PARP2: variants seen among roughly 807,000 people sequenced by gnomAD.
PARP2 encodes the protein poly(ADP-ribose) polymerase 2, also known as poly [ADP-ribose] polymerase 2.
PARP2 carries 57 observed loss-of-function variants against 77.8 expected under a neutral mutation model. The ratio of observed to expected loss-of-function variants is 0.73; its 90% CI spans 0.59 to 0.91. The LOEUF (loss-of-function observed/expected upper bound fraction) is 0.91. Ranked by LOEUF, PARP2 falls within the 40% of genes least tolerant of loss-of-function variation. PARP2 has a pLI of 0.00. For synonymous variants in PARP2, 226 were observed against 242.6 expected, an observed-to-expected ratio of 0.93 and a Z score of 0.64; for missense variants, 651 against 689.0, an observed-to-expected ratio of 0.94 and a Z score of 0.62.
intron 4 of PARP2, 72 bp from the exon 5 acceptor site, chr14:20,350,454 G>T (rs1883913718): frequency 2.7e-6 from 2 of 731,296 alleles, no homozygotes; most frequent in East Asian, 5.0e-5. Flanking sequence ...TGTGACGAAG[G>T]ATGAGTCATT....
rs2138918151 is a variant in PARP2 at position 20,346,843 on chromosome 14, TTCTC to T, written c.274-13_274-10del. On this transcript the variant is annotated splice_polypyrimidine_tract_variant and intron_variant, in intron 3 of 15. Transcript: ENST00000429687. ...CTGAACCTATACTAATGTTGATTTTTTCTCTCTCTCCCTTTCTAGGCTCATGTGT... is the reference window on the plus strand; with the variant it reads ...CTGAACCTATACTAATGTTGATTTTTTCTCTCCCTTTCTAGGCTCATGTGT... 1 of 1,559,878 alleles carries T rather than the reference TTCTC, an allele frequency of 6.4e-7. No homozygotes were observed. Among genetic ancestry groups the T allele is most frequent in the Non-Finnish European group, 8.8e-7 (1 of 1,135,562 alleles).
chr14:20,344,708 G>A (rs1883642353), intron 1 of PARP2, among the ~76,000 whole-genome samples: 1 of 152,168 alleles, frequency 6.6e-6, no homozygotes, highest in Admixed American at 6.5e-5. Context: ...AGCTACTCAG[G>A]AGGCTGAGGC....
Position 20,356,638 on chromosome 14 carries a change from G to A in PARP2, c.1278G>A (p.Leu426=). 1 of 1,614,166 alleles carries A rather than the reference G, an allele frequency of 6.2e-7. No homozygotes were observed. The highest frequency in any genetic ancestry group is 8.5e-7 in the Non-Finnish European group (1 of 1,180,006). The change falls in exon 13 of 16, where the codon TTG becomes TTA. Residue 426 remains leucine, a synonymous_variant. Transcript: ENST00000429687. The part of the protein sequence containing the change: ...GSRMSNWVGI[L]SHGLRIAPPE... ...GGATGAGTAACTGGGTGGGAATCTT[G>A]AGCCATGGGCTTCGAATTGCCCCAC...
chr14:20,357,001 C>A, intron 13 of PARP2, 50 bp from the exon 14 acceptor site: 2 of 1,176,538 alleles, frequency 1.7e-6, no homozygotes, highest in South Asian at 2.4e-5. Context: ...CACCTTCTCT[C>A]TAACACAGTG....
intron 9 of PARP2, chr14:20,355,180 C>G (rs963838089): frequency 7.1e-6 from 3 of 423,422 alleles, no homozygotes; most frequent in Non-Finnish European, 8.3e-6. Context: ...GTTACCAACC[C>G]AAGAGAGAAT....
In PARP2 at chr14:20,355,738, A is replaced by G; in HGVS notation, c.903-14A>G. The stretch of plus-strand genomic sequence containing the variant: ...TGTCAGAAAGCTCATTATGGGTTAT[A>G]TCTCTGTTCTTAGACTCCGTACTCC... On this transcript the variant is annotated splice_polypyrimidine_tract_variant and intron_variant, in intron 9 of 15. Transcript: ENST00000429687. 6.2e-7 allele frequency: 1 copy of G among 1,609,368 alleles called. No homozygotes were observed. Among genetic ancestry groups the G allele is most frequent in the Non-Finnish European group, 8.5e-7 (1 of 1,175,740 alleles).
At chr14:20,351,017 A>G in intron 5 of PARP2, 30 bp from the exon 6 acceptor site, 1 of 1,575,660 alleles carries the variant, frequency 6.3e-7, no homozygotes, top group Non-Finnish European at 8.7e-7. Context: ...CTCTTAGGGA[A>G]CTATCTTATG....
In PARP2 at chr14:20,345,478, G is replaced by T. The variant is rs1883683789; in HGVS notation, c.273+14G>T. 1 of 1,601,278 alleles carries T rather than the reference G, an allele frequency of 6.2e-7. No individual in the cohort carries two copies. The highest frequency in any genetic ancestry group is 8.6e-7 in the Non-Finnish European group (1 of 1,168,646). On this transcript the variant is annotated intron_variant, in intron 3 of 15. Transcript: ENST00000429687. ...AAGGTGGGGAAGGTAAGAGACTCTGGAACCGATCTTCAGTCCATGGATATC... is the reference window on the plus strand; with the variant it reads ...AAGGTGGGGAAGGTAAGAGACTCTGTAACCGATCTTCAGTCCATGGATATC...
In PARP2 at chr14:20,357,859, T is replaced by G. The variant is rs772828098; in HGVS notation, c.*62T>G. On this transcript the variant is annotated 3_prime_UTR_variant, in exon 16 of 16. Coordinates refer to ENST00000429687, the MANE Select transcript of PARP2 (RefSeq NM_001042618.2). ...AGCAAGAAAATAAGCAGTGTTGTACTTGTGAATTTTGTGATATTTTATGTA... is the reference window on the plus strand; with the variant it reads ...AGCAAGAAAATAAGCAGTGTTGTACGTGTGAATTTTGTGATATTTTATGTA... 2 of 1,433,316 alleles carry G rather than the reference T, an allele frequency of 1.4e-6. No homozygotes were observed. The highest frequency in any genetic ancestry group is 2.1e-5 in the Admixed American group (1 of 48,018). 88.8% of individuals were successfully genotyped at this position (1,433,316 alleles called of 1,614,324 possible).
At chr14:20,350,901 T>C in intron 5 of PARP2, 146 bp from the exon 6 acceptor site, 1 of 651,298 alleles carries the variant, frequency 1.5e-6, no homozygotes. Context: ...AGCAAGTAAC[T>C]TGTATCAACA....
At chr14:20,353,723 G>T (rs1187140193) in intron 7 of PARP2, among the ~76,000 whole-genome samples, 2 of 152,214 alleles carry the variant, frequency 1.3e-5, no homozygotes, top group African/African-American at 4.8e-5. Flanking sequence ...CCAAAAAAAT[G>T]GAGAAGTTTT....
intron 9 of PARP2, 60 bp from the exon 10 acceptor site, chr14:20,355,692 G>A (rs1484778476): frequency 9.8e-6 from 13 of 1,324,786 alleles, no homozygotes; most frequent in Admixed American, 1.7e-5. Flanking sequence ...TCTATTTTTA[G>A]TCATGCGCCT....
At chr14:20,346,583 C>T (rs1007745857) in intron 3 of PARP2, 1 of 297,564 alleles carries the variant, frequency 3.4e-6, no homozygotes, top group African/African-American at 2.1e-5. Context: ...ATCTGCCCAC[C>T]TTAGCCTCCC....
intron 3 of PARP2, 133 bp from the exon 4 acceptor site, chr14:20,346,730 T>G: frequency 1.5e-6 from 1 of 652,906 alleles, no homozygotes; most frequent in Non-Finnish European, 2.8e-6. Context: ...GGTTTGCAAT[T>G]CTTTCCTTGG....
chr14:20,357,272 T>C, intron 14 of PARP2, 123 bp downstream of exon 14: 3 of 1,334,484 alleles, frequency 2.2e-6, no homozygotes, highest in Non-Finnish European at 3.2e-6. Flanking sequence ...CAAGTACAAT[T>C]TCTAGTACAT....
In PARP2 at chr14:20,355,919, C is replaced by T; in HGVS notation, c.989C>T (p.Ala330Val). 1 of 1,614,134 alleles carries T rather than the reference C, an allele frequency of 6.2e-7. No individual in the cohort carries two copies. The highest frequency in any genetic ancestry group is 8.5e-7 in the Non-Finnish European group (1 of 1,179,998). Residue 330 changes from alanine to valine, a missense_variant, in exon 11 of 16, where the codon GCT becomes GTT. Ala to Val is a moderately conservative substitution (Grantham distance 64). Coordinates refer to ENST00000429687, the MANE Select transcript of PARP2 (RefSeq NM_001042618.2). ...LLEALGDIEI[A>V]IKLVKTELQS... ...CAGGCTTTGGGAGACATTGAAATTG[C>T]TATTAAGCTGGTGAAAACAGAGCTA...
At chr14:20,350,396 A>T (rs1428528872) in intron 4 of PARP2, 130 bp from the exon 5 acceptor site, 1 of 528,986 alleles carries the variant, frequency 1.9e-6, no homozygotes, top group Non-Finnish European at 3.4e-6. Context: ...CAGGAATCTA[A>T]TTTTCTTGCC....
intron 8 of PARP2, 68 bp from the exon 9 acceptor site, chr14:20,354,741 A>T: frequency 1.4e-6 from 2 of 1,417,590 alleles, no homozygotes; most frequent in South Asian, 2.7e-5. Context: ...TTTTTTAGGG[A>T]AGGATGTTAA....
Position 20,351,089 on chromosome 14 carries a change from A to G in PARP2, c.464A>G (p.Asn155Ser), listed in dbSNP as rs3093906. Residue 155 changes from asparagine to serine, a missense_variant, in exon 6 of 16, where the codon AAT (asparagine) becomes AGT (serine). Asn to Ser is a conservative substitution (Grantham distance 46). Coordinates refer to ENST00000429687, the MANE Select transcript of PARP2 (RefSeq NM_001042618.2). Reference protein sequence around the residue: ...GQHSLVACSGNLNKAKEIFQK... With the variant: ...GQHSLVACSGSLNKAKEIFQK... ...CACAGCCTGGTGGCTTGTTCAGGCA[A>G]TCTCAACAAGGCCAAGGAAATCTTT... The G allele has an allele frequency of 8.4e-5, 135 of 1,614,048 alleles. No individual in the cohort carries two copies. The highest frequency in any genetic ancestry group is 6.1e-4 in the African/African-American group (46 of 75,042).
Sources: gnomAD v4.1 joint callset for allele counts (sites outside exome capture counted in the v4.1 genomes callset) on GRCh38, gnomAD v4.1.1 for gene constraint, MANE v1.5 for transcripts, NCBI Gene and HGNC (gene_info 2026-07-23, HGNC 2026-07-21) for gene names.